ERBIN: variants seen among roughly 807,000 people sequenced by gnomAD.
ERBIN encodes the protein erbb2 interacting protein, also known as densin-180-like protein.
In ERBIN, 60 loss-of-function variants were observed where a neutral mutation model predicts 158.4. That is an observed-to-expected ratio of 0.38 (90% CI 0.31 to 0.47). The LOEUF (loss-of-function observed/expected upper bound fraction) is 0.47. Among genes scored for constraint, ERBIN ranks in the 20% least tolerant of loss-of-function variants. The pLI, the probability that ERBIN is intolerant of heterozygous loss-of-function variation, is 0.99. For missense variants in ERBIN, 1,610 were observed against 1,648.0 expected (o/e 0.98, Z 0.40); for synonymous variants, 594 against 557.2 (o/e 1.07, Z -0.93).
At chr5:66,068,536 A>ATAT (rs1761231193) in intron 21 of ERBIN, among the ~76,000 whole-genome samples, 1 of 152,204 alleles carries the variant, frequency 6.6e-6, no homozygotes, top group Non-Finnish European at 1.5e-5. Flanking sequence ...CTTTAGATAC[A>ATAT]CATACATCAG....
At chr5:66,074,629 G>T (rs143291868) in intron 22 of ERBIN, among the ~76,000 whole-genome samples, 141 of 152,278 alleles carry the variant, frequency 9.3e-4, no homozygotes, top group African/African-American at 3.1e-3. Flanking sequence ...TATGGGAAAA[G>T]ATATGCATCT....
At position 65,941,337 on chromosome 5, in the gene ERBIN, AAT is replaced by A. The variant is rs1745009688; in HGVS notation, c.-58+14533_-58+14534del. Among the ~76,000 whole-genome samples the A allele has an allele frequency of 9.3e-5, 2 of 21,470 alleles. 1 individual carries two copies. 14.1% of individuals were successfully genotyped at this position (21,470 alleles called of 152,430 possible). A position where few individuals can be genotyped will look rare whatever the true frequency, so the allele number is the denominator to read the frequency against. ...ATAAAAAAAAAAAAAAAAAAAGAAC[AAT>A]ACAAATAACAACAATATAGCAATTA... On this transcript the variant is annotated intron_variant, in intron 1 of 25. Transcript: ENST00000284037.
In ERBIN at chr5:66,055,532, T is replaced by C. The variant is rs190418307; in HGVS notation, c.3633+581T>C. Among the ~76,000 whole-genome samples, 4 of 152,286 alleles carry C rather than the reference T, an allele frequency of 2.6e-5. No homozygotes were observed. The East Asian group carries it at 7.7e-4, about 29-fold the overall frequency. The stretch of plus-strand genomic sequence containing the variant: ...TGTTGCTTAGCAATAGTTGATTAAA[T>C]AACTAATGCTCGTGTTCAATTTATA... On this transcript the variant is annotated intron_variant, in intron 21 of 25. Coordinates refer to ENST00000284037, the MANE Select transcript of ERBIN (RefSeq NM_001253697.2).
Position 65,974,062 on chromosome 5 carries a change from C to T in ERBIN, c.-57-14573C>T, listed in dbSNP as rs1391279627. ...CCAGCCTGGGCAACATAGCGAAACT[C>T]CATCTCTACAAAATAAAAACTAAAA... is the stretch of plus-strand genomic sequence containing the variant. On this transcript the variant is annotated intron_variant, in intron 1 of 25. Transcript: ENST00000284037. Among the ~76,000 whole-genome samples, 7 of 151,042 alleles carry T rather than the reference C, an allele frequency of 4.6e-5. 1 individual carries two copies. Among genetic ancestry groups the T allele is most frequent in the Non-Finnish European group, 7.4e-5 (5 of 68,010 alleles).
At chr5:65,941,944 G>T (rs1745104259) in intron 1 of ERBIN, among the ~76,000 whole-genome samples, 1 of 152,258 alleles carries the variant, frequency 6.6e-6, no homozygotes, top group Non-Finnish European at 1.5e-5. Context: ...GTTTCACCAT[G>T]TTAGCCAGGA....
At chr5:66,072,007 A>G (rs1761577088) in intron 21 of ERBIN, among the ~76,000 whole-genome samples, 162 bp from the exon 22 acceptor site, 1 of 152,210 alleles carries the variant, frequency 6.6e-6, no homozygotes. Context: ...GGAAGAAGTG[A>G]AAGATACTAA....
In ERBIN at chr5:66,050,800, G is replaced by C. The variant is rs1161758511; in HGVS notation, c.1921G>C (p.Asp641His). 2 of 1,553,928 alleles carry C rather than the reference G, an allele frequency of 1.3e-6. No individual in the cohort carries two copies. Among genetic ancestry groups the C allele is most frequent in the Non-Finnish European group, 1.7e-6 (2 of 1,154,382 alleles). ...NNKKDDTKET[D>H]SLSDEVTHNS... ...TGTTTCAGATGATACAAAGGAAACA[G>C]ATTCTTTATCAGATGAAGTTACACA... Residue 641 changes from aspartate (D) to histidine (H), a missense_variant, in exon 20 of 26, where the codon GAT (aspartate) becomes CAT (histidine). Around this residue, in one of 2 missense-constraint regions of ERBIN, gnomAD observed 1,014 missense variants for 936.1 expected, o/e 1.08. Coordinates refer to ENST00000284037, the MANE Select transcript of ERBIN (RefSeq NM_001253697.2).
At position 66,026,326 on chromosome 5, in the gene ERBIN, G is replaced by A. The variant is rs754950916; in HGVS notation, c.1045G>A (p.Val349Met). The A allele has an allele frequency of 5.7e-6, 9 of 1,591,754 alleles. 1 individual carries two copies. In the South Asian group the frequency reaches 5.7e-5, roughly 10 times the overall value. Residue 349 changes from valine to methionine, a missense_variant, in exon 13 of 26, where the codon GTG becomes ATG. Val to Met is a conservative substitution (Grantham distance 21). Around this residue, in one of 2 missense-constraint regions of ERBIN, gnomAD observed 596 missense variants for 711.9 expected, o/e 0.84. Transcript: ENST00000284037. ...GATTGGAAGCTGGAAAAATATAACT[G>A]TGCTGTTTCTCCATTCCAATAAACT... is the stretch of plus-strand genomic sequence containing the variant. ...PEIGSWKNIT[V>M]LFLHSNKLET...
chr5:66,007,238 A>G (rs985220622), intron 4 of ERBIN, among the ~76,000 whole-genome samples: 4 of 152,322 alleles, frequency 2.6e-5, no homozygotes, highest in South Asian at 2.1e-4. Flanking sequence ...TGTCCTTTGT[A>G]GGGACATGGG....
At chr5:66,061,280 C>T (rs923964257) in intron 21 of ERBIN, among the ~76,000 whole-genome samples, 3 of 152,066 alleles carry the variant, frequency 2.0e-5, no homozygotes, top group African/African-American at 7.3e-5. Flanking sequence ...TGAATTGATC[C>T]CTTTACCATT....
intron 1 of ERBIN, among the ~76,000 whole-genome samples, chr5:65,936,352 C>T (rs1290450776): frequency 2.0e-5 from 3 of 152,156 alleles, no homozygotes; most frequent in Non-Finnish European, 4.4e-5. Context: ...TCTCAGTCTT[C>T]TAGGAAAAGA....
intron 4 of ERBIN, among the ~76,000 whole-genome samples, chr5:66,005,370 G>A (rs1753474845): frequency 6.6e-6 from 1 of 152,120 alleles, no homozygotes; most frequent in Non-Finnish European, 1.5e-5. Context: ...GAAAAAATCA[G>A]GAGCTCAGTT....
At chr5:65,967,376 T>G (rs1220090526) in intron 1 of ERBIN, among the ~76,000 whole-genome samples, 1 of 152,138 alleles carries the variant, frequency 6.6e-6, no homozygotes, top group African/African-American at 2.4e-5. Flanking sequence ...CAAGCTCTAT[T>G]TATAATAGGT....
At chr5:65,950,179 G>A (rs1280163254) in intron 1 of ERBIN, among the ~76,000 whole-genome samples, 1 of 151,800 alleles carries the variant, frequency 6.6e-6, no homozygotes, top group East Asian at 1.9e-4. Context: ...CTAATTTTTT[G>A]TATGTTTAGT....
chr5:66,063,978 TCAG>T (rs1703986343), intron 21 of ERBIN, among the ~76,000 whole-genome samples: 2 of 152,212 alleles, frequency 1.3e-5, no homozygotes, highest in African/African-American at 4.8e-5. Flanking sequence ...AAAATATAGT[TCAG>T]AAGATTATTT....
intron 15 of ERBIN, among the ~76,000 whole-genome samples, chr5:66,041,373 TG>T (rs1757904643): frequency 6.6e-6 from 1 of 151,930 alleles, no homozygotes; most frequent in Non-Finnish European, 1.5e-5. Flanking sequence ...GTTGTAGTGT[TG>T]GGGTGGTGGG....
At chr5:65,996,144 G>C (rs563112158) in intron 4 of ERBIN, among the ~76,000 whole-genome samples, 1 of 150,706 alleles carries the variant, frequency 6.6e-6, no homozygotes, top group South Asian at 2.1e-4. Context: ...TGCTTTTTTT[G>C]CCTGTGCTTT....
At chr5:66,025,408 C>T (rs991641075) in intron 10 of ERBIN, 72 bp from the exon 11 acceptor site, 15 of 1,120,464 alleles carry the variant, frequency 1.3e-5, no homozygotes, top group African/African-American at 7.6e-5. Flanking sequence ...TGTAGTATGT[C>T]TCACACTGAC....
At chr5:66,035,320 G>A (rs546723800) in intron 14 of ERBIN, among the ~76,000 whole-genome samples, 1 of 152,216 alleles carries the variant, frequency 6.6e-6, no homozygotes, top group Admixed American at 6.5e-5. Context: ...CCAAAATTGA[G>A]TATACCACGT....
Sources: gnomAD v4.1 joint callset for allele counts (sites outside exome capture counted in the v4.1 genomes callset) on GRCh38, gnomAD v4.1.1 for gene constraint, gnomAD v4.1.1 regional missense constraint, MANE v1.5 for transcripts, NCBI Gene and HGNC (gene_info 2026-07-23, HGNC 2026-07-21) for gene names.